DENND2B: variants seen among roughly 807,000 people sequenced by gnomAD.
DENND2B encodes the protein DENN domain-containing protein 2B.
In DENND2B, 32 loss-of-function variants were observed where a neutral mutation model predicts 116.0. The observed-to-expected ratio is 0.28, with a 90% CI of 0.21 to 0.37. DENND2B has a LOEUF of 0.37. DENND2B is among the 10% of genes least tolerant of loss of function. The pLI, the probability that DENND2B is intolerant of heterozygous loss-of-function variation, is 1.00. For missense variants in DENND2B, 1,276 were observed against 1,477.7 expected (o/e 0.86, Z 2.24); for synonymous variants, 588 against 583.9 (o/e 1.01, Z -0.10).
intron 3 of DENND2B, among the ~76,000 whole-genome samples, chr11:8,856,311 G>C (rs566806213): frequency 1.3e-5 from 2 of 152,308 alleles, no homozygotes; most frequent in East Asian, 3.9e-4. Context: ...TCCAGTAGAA[G>C]ATATTATTTA....
In DENND2B at chr11:8,712,470, C is replaced by T. The variant is rs900078328; in HGVS notation, c.2172+81G>A. 7 of 1,430,370 alleles carry T rather than the reference C, an allele frequency of 4.9e-6. No homozygotes were observed. The highest frequency in any genetic ancestry group is 6.6e-6 in the Non-Finnish European group (7 of 1,062,898). 88.6% of individuals were successfully genotyped at this position (1,430,370 alleles called of 1,614,324 possible). A position where few individuals can be genotyped will look rare whatever the true frequency, so the allele number is the denominator to read the frequency against. On this transcript the variant is annotated intron_variant, in intron 9 of 19. Coordinates refer to ENST00000313726, the MANE Select transcript of DENND2B (RefSeq NM_213618.2). This position sits in a 1 kb window ranked among gnomAD's most constrained non-coding sequence, Gnocchi z 4.4. ...TGAGGACGTATGACGAACAAGATCTCTCTCCTTCCCCAGATAGGCCTGGCG... is the reference window on the plus strand; with the variant it reads ...TGAGGACGTATGACGAACAAGATCTTTCTCCTTCCCCAGATAGGCCTGGCG...
At chr11:8,885,945 T>C (rs1306368435) in intron 1 of DENND2B, among the ~76,000 whole-genome samples, 2 of 151,960 alleles carry the variant, frequency 1.3e-5, no homozygotes, top group African/African-American at 4.8e-5. Flanking sequence ...TTTTTCTAAC[T>C]TTTTTCGGGG....
At chr11:8,897,093 T>A (rs1016013048) in intron 1 of DENND2B, among the ~76,000 whole-genome samples, 3 of 150,176 alleles carry the variant, frequency 2.0e-5, no homozygotes, top group East Asian at 1.9e-4. Context: ...CAAAAAAAAT[T>A]TTTTTTTTTA....
rs34208987 is a variant in DENND2B at position 8,744,924 on chromosome 11, AT to A, written c.80+5696del. On this transcript the variant is annotated intron_variant, in intron 2 of 19. Transcript: ENST00000313726. The stretch of plus-strand genomic sequence containing the variant: ...AAAGTCTCATCTACATCCAGACCTG[AT>A]TTTTTTTTTTTTTTAAGACAGGGTT... Among the ~76,000 whole-genome samples, 194 of 145,594 alleles carry A rather than the reference AT, an allele frequency of 1.3e-3. 2 individuals carry two copies. The highest frequency in any genetic ancestry group is 1.2e-3 in the Admixed American group (18 of 14,522).
At chr11:8,807,091 C>A (rs764699922) in intron 1 of DENND2B, among the ~76,000 whole-genome samples, 14 of 151,970 alleles carry the variant, frequency 9.2e-5, no homozygotes, top group Non-Finnish European at 1.6e-4. Flanking sequence ...GAAGGCCAAG[C>A]CAGGGCTCGG....
upstream of DENND2B, among the ~76,000 whole-genome samples, chr11:8,876,412 G>T (rs559174849): frequency 3.4e-4 from 52 of 152,042 alleles, no homozygotes; most frequent in African/African-American, 1.2e-3. Context: ...TTCCTGCCTT[G>T]GATACCATGC....
intron 3 of DENND2B, among the ~76,000 whole-genome samples, chr11:8,846,326 C>T (rs893029769): frequency 1.3e-5 from 2 of 152,198 alleles, no homozygotes; most frequent in Non-Finnish European, 2.9e-5. Flanking sequence ...AGGCTGGTGA[C>T]ATTGGAAGGA....
At chr11:8,900,545 G>A (rs949816455) in intron 1 of DENND2B, among the ~76,000 whole-genome samples, 2 of 151,510 alleles carry the variant, frequency 1.3e-5, no homozygotes, top group Admixed American at 6.6e-5. Context: ...GCAACAGTGA[G>A]CCACACTTGC....
At chr11:8,844,961 C>T (rs545860011) in intron 3 of DENND2B, among the ~76,000 whole-genome samples, 2 of 152,008 alleles carry the variant, frequency 1.3e-5, no homozygotes, top group East Asian at 1.9e-4. Context: ...AGGCTGGTTT[C>T]GAATTACTGG....
chr11:8,770,941 C>T (rs1187966775), intron 1 of DENND2B, among the ~76,000 whole-genome samples: 2 of 152,222 alleles, frequency 1.3e-5, no homozygotes, highest in Non-Finnish European at 2.9e-5. Context: ...TGACACTCAT[C>T]TCCTAGCCTC....
rs376782645 is a variant in DENND2B at position 8,695,450 on chromosome 11, C to G, written c.3379+13G>C. 9.1e-5 allele frequency: 146 copies of G among 1,612,198 alleles called. No individual in the cohort carries two copies. Among genetic ancestry groups the G allele is most frequent in the Non-Finnish European group, 1.2e-4 (140 of 1,178,882 alleles). On this transcript the variant is annotated intron_variant, in intron 19 of 19. Transcript: ENST00000313726. ...TGCTGAACATCTATCTCATCAGTAA[C>G]AAGGCCACTTACCCAAACCTCGGAG...
chr11:8,886,983 C>T (rs1358375306), intron 1 of DENND2B, among the ~76,000 whole-genome samples: 1 of 152,078 alleles, frequency 6.6e-6, no homozygotes, highest in Admixed American at 6.5e-5. Context: ...CATGTGCCAC[C>T]ACACCCGGCT....
Position 8,774,182 on chromosome 11 carries a change from G to T in DENND2B, c.-25-23457C>A, listed in dbSNP as rs752036849. ...GTTTCTCTGCTCAGTCAGCCTTCACGTTGGGTTCTTGACAACTGCAGCTGG... is the reference window on the plus strand; with the variant it reads ...GTTTCTCTGCTCAGTCAGCCTTCACTTTGGGTTCTTGACAACTGCAGCTGG... On this transcript the variant is annotated intron_variant, in intron 1 of 19. Transcript: ENST00000313726. 34 of 985,334 alleles carry T rather than the reference G, an allele frequency of 3.5e-5. 1 individual carries two copies. The highest frequency in any genetic ancestry group is 3.9e-5 in the Non-Finnish European group (32 of 829,968). 61.0% of individuals were successfully genotyped at this position (985,334 alleles called of 1,614,324 possible).
intron 4 of DENND2B, among the ~76,000 whole-genome samples, chr11:8,830,427 G>A (rs565753708): frequency 6.6e-6 from 1 of 152,298 alleles, no homozygotes; most frequent in South Asian, 2.1e-4. Flanking sequence ...TAAGATCTTG[G>A]ATATTCTCTA....
At chr11:8,726,623 A>C (rs1285954171) in intron 3 of DENND2B, among the ~76,000 whole-genome samples, 1 of 152,178 alleles carries the variant, frequency 6.6e-6, no homozygotes, top group Non-Finnish European at 1.5e-5. Flanking sequence ...CTGAGCTCTT[A>C]ACTATAATTT....
intron 1 of DENND2B, among the ~76,000 whole-genome samples, chr11:8,803,876 T>G (rs909800237): frequency 9.2e-5 from 14 of 152,168 alleles, no homozygotes; most frequent in African/African-American, 3.4e-4. Flanking sequence ...AAGGGCAGTA[T>G]TTGTGGAAGC....
intron 1 of DENND2B, among the ~76,000 whole-genome samples, chr11:8,908,384 G>A (rs1484351105): frequency 6.6e-6 from 1 of 152,204 alleles, no homozygotes; most frequent in Non-Finnish European, 1.5e-5. Flanking sequence ...GGGTAAGTGA[G>A]AGCATATTTT....
chr11:8,780,954 C>G (rs985357629), intron 1 of DENND2B, among the ~76,000 whole-genome samples: 3 of 152,024 alleles, frequency 2.0e-5, no homozygotes, highest in Admixed American at 6.6e-5. Context: ...CAGAGAAGAG[C>G]TGGAGAGCCA....
intron 1 of DENND2B, among the ~76,000 whole-genome samples, chr11:8,883,817 A>G (rs1228615677): frequency 3.3e-5 from 5 of 152,254 alleles, no homozygotes; most frequent in Non-Finnish European, 7.3e-5. Flanking sequence ...GAAGTTATCA[A>G]TTAGATACCA....
Sources: gnomAD v4.1 joint callset for allele counts (sites outside exome capture counted in the v4.1 genomes callset) on GRCh38, gnomAD v4.1.1 for gene constraint, Gnocchi (gnomAD v3.1) non-coding constraint, MANE v1.5 for transcripts, NCBI Gene and HGNC (gene_info 2026-07-23, HGNC 2026-07-21) for gene names.